Variants in POU2F3 observed in about 807,000 individuals in gnomAD.
The protein encoded by POU2F3 is POU domain, class 2, transcription factor 3.
Under a neutral mutation model 59.2 loss-of-function variants are expected in POU2F3, and 23 were observed. The observed-to-expected ratio is 0.39, with a 90% confidence interval of 0.28 to 0.55. POU2F3 has a LOEUF of 0.55. Among genes scored for constraint, POU2F3 ranks in the 20% least tolerant of loss-of-function variants. The pLI, the probability that POU2F3 is intolerant of heterozygous loss-of-function variation, is 0.66. For missense variants in POU2F3, 473 were observed against 544.5 expected (o/e 0.87, Z 1.31); for synonymous variants, 190 against 214.6 (o/e 0.89, Z 1.00).
chr11:120,298,654 T>C (rs1236917235), intron 4 of POU2F3, among the ~76,000 whole-genome samples: 1 of 152,198 alleles, frequency 6.6e-6, no homozygotes, highest in African/African-American at 2.4e-5. Context: ...GCTGCTGGTG[T>C]CTGCCAGCCA....
At chr11:120,305,885 A>AC in intron 8 of POU2F3, 100 bp downstream of exon 8, 3 of 1,393,762 alleles carry the variant, frequency 2.2e-6, no homozygotes, top group Non-Finnish European at 2.9e-6. Context: ...GATACCTAAC[A>AC]CCCCCTTCTT....
chr11:120,239,777 C>T (rs1007761241), upstream of POU2F3, among the ~76,000 whole-genome samples: 8 of 152,194 alleles, frequency 5.3e-5, no homozygotes, highest in South Asian at 6.2e-4. Flanking sequence ...TGAATTCTTT[C>T]CAGCAGACCC....
At chr11:120,263,745 T>G (rs1475688474) in intron 2 of POU2F3, among the ~76,000 whole-genome samples, 2 of 152,238 alleles carry the variant, frequency 1.3e-5, no homozygotes, top group Non-Finnish European at 2.9e-5. Flanking sequence ...CTGAAAATAA[T>G]GCTGCTGGCC....
chr11:120,305,937 C>G, intron 8 of POU2F3, 152 bp downstream of exon 8: 5 of 981,992 alleles, frequency 5.1e-6, no homozygotes, highest in Non-Finnish European at 7.3e-6. Context: ...ACACAGGACA[C>G]AGGCAAGTGT....
At chr11:120,277,986 A>G (rs1385133265) in intron 3 of POU2F3, among the ~76,000 whole-genome samples, 6 of 152,216 alleles carry the variant, frequency 3.9e-5, no homozygotes, top group African/African-American at 1.4e-4. Flanking sequence ...TTGGTATGCT[A>G]TCCTGGCTGC....
chr11:120,260,430 G>A (rs897837504), intron 2 of POU2F3, among the ~76,000 whole-genome samples: 3 of 152,214 alleles, frequency 2.0e-5, no homozygotes, highest in South Asian at 2.1e-4. Context: ...AGGTGGAGGC[G>A]GAGGCTGCTT....
chr11:120,293,825 A>T (rs1315903093), intron 3 of POU2F3, among the ~76,000 whole-genome samples: 2 of 152,160 alleles, frequency 1.3e-5, no homozygotes, highest in Admixed American at 6.5e-5. Context: ...GGGCCAGAAG[A>T]CCACCTTTTC....
intron 8 of POU2F3, among the ~76,000 whole-genome samples, chr11:120,306,612 C>G (rs772709941): frequency 1.4e-5 from 2 of 143,560 alleles, no homozygotes; most frequent in Non-Finnish European, 2.9e-5. Flanking sequence ...GATGCAGAGT[C>G]CCCCCCGGTT....
In POU2F3 at chr11:120,299,627, A is replaced by G. The variant is rs752641556; in HGVS notation, c.262A>G (p.Met88Val). ...SGLNASPCQD[M>V]ASLHPLQQLV... ...ATGTGTATCTCTCCGTGTGTAGGACATGGCTTCCCTCCATCCGCTCCAGCA... is the reference window on the plus strand; with the variant it reads ...ATGTGTATCTCTCCGTGTGTAGGACGTGGCTTCCCTCCATCCGCTCCAGCA... The change falls in exon 5 of 13, where the codon ATG (methionine) becomes GTG (valine). Residue 88 changes from methionine (M) to valine (V), a missense_variant. By Grantham distance (21) the Met-to-Val change is conservative. Coordinates refer to ENST00000543440, the MANE Select transcript of POU2F3 (RefSeq NM_014352.4). The G allele has an allele frequency of 3.1e-6, 5 of 1,613,350 alleles. No individual in the cohort carries two copies. In the Admixed American group the frequency reaches 6.7e-5, roughly 22 times the overall value.
intron 3 of POU2F3, among the ~76,000 whole-genome samples, chr11:120,296,477 G>A (rs1941195828): frequency 6.6e-6 from 1 of 152,092 alleles, no homozygotes; most frequent in East Asian, 1.9e-4. Flanking sequence ...CATGGGAGTT[G>A]GTTGTACAGA....
At chr11:120,275,385 G>A (rs1401406266) in intron 3 of POU2F3, among the ~76,000 whole-genome samples, 1 of 152,132 alleles carries the variant, frequency 6.6e-6, no homozygotes, top group Non-Finnish European at 1.5e-5. Context: ...CTTGCCTGGA[G>A]TCTCTCCACT....
intron 6 of POU2F3, 49 bp from the exon 7 acceptor site, chr11:120,304,980 TG>T: frequency 1.2e-5 from 10 of 821,628 alleles, no homozygotes; most frequent in African/African-American, 2.6e-5. Context: ...AATCAGAAAA[TG>T]TTATTTATTG....
chr11:120,287,611 G>C (rs7118019), intron 3 of POU2F3, among the ~76,000 whole-genome samples: 1 of 152,252 alleles, frequency 6.6e-6, no homozygotes, highest in East Asian at 1.9e-4. Flanking sequence ...CAGCCTTTTG[G>C]TAACAAATTT....
At chr11:120,314,073 G>A (rs916082166) in intron 10 of POU2F3, among the ~76,000 whole-genome samples, 3 of 152,146 alleles carry the variant, frequency 2.0e-5, no homozygotes, top group African/African-American at 7.2e-5. Context: ...GGAGGGAGGA[G>A]AAGAGGTAGG....
At chr11:120,310,013 C>A (rs1941613274) in intron 10 of POU2F3, among the ~76,000 whole-genome samples, 1 of 152,182 alleles carries the variant, frequency 6.6e-6, no homozygotes, top group African/African-American at 2.4e-5. Context: ...CGCCCAAGAT[C>A]TTGGAGGACA....
At chr11:120,238,557 C>T (rs923643327), upstream of POU2F3, among the ~76,000 whole-genome samples, 1 of 152,038 alleles carries the variant, frequency 6.6e-6, no homozygotes, top group African/African-American at 2.4e-5. Context: ...GGAACTTAGG[C>T]TGGGCGTGGT....
chr11:120,239,659 G>A (rs1458851289), upstream of POU2F3, among the ~76,000 whole-genome samples: 3 of 152,196 alleles, frequency 2.0e-5, no homozygotes, highest in Admixed American at 6.5e-5. Context: ...TAGGGAACCC[G>A]ATTAGCACCT....
At chr11:120,277,331 A>G (rs1940375625) in intron 3 of POU2F3, among the ~76,000 whole-genome samples, 1 of 152,016 alleles carries the variant, frequency 6.6e-6, no homozygotes, top group Non-Finnish European at 1.5e-5. Flanking sequence ...GCACCCTCCT[A>G]GTCAACAGGC....
intron 2 of POU2F3, chr11:120,259,368 T>A (rs1166432046): frequency 1.3e-5 from 2 of 152,180 alleles, no homozygotes; most frequent in Admixed American, 1.3e-4. Flanking sequence ...CTAATTCTGG[T>A]CACCTCTAGT....
Sources: gnomAD v4.1 joint callset for allele counts (sites outside exome capture counted in the v4.1 genomes callset) on GRCh38, gnomAD v4.1.1 for gene constraint, MANE v1.5 for transcripts, NCBI Gene and HGNC (gene_info 2026-07-23, HGNC 2026-07-21) for gene names.